The following SNX30 variants were observed in gnomAD, a reference collection of about 807,000 sequenced individuals.
The protein encoded by SNX30 is sorting nexin family member 30, also known as sorting nexin-30.
A neutral mutation model predicts 46.4 loss-of-function variants in SNX30; 24 were observed. That is an observed-to-expected ratio of 0.52 (90% CI 0.37 to 0.73). The LOEUF is 0.73. Among genes scored for constraint, SNX30 ranks in the 30% least tolerant of loss-of-function variants. SNX30 has a pLI of 0.00. For synonymous variants in SNX30, 189 were observed against 211.5 expected, an observed-to-expected ratio of 0.89 and a Z score of 0.92; for missense variants, 533 against 555.7, an observed-to-expected ratio of 0.96 and a Z score of 0.41.
At position 112,869,086 on chromosome 9, in the gene SNX30, G is replaced by A. The variant is rs1841405193; in HGVS notation, c.*243G>A. On this transcript the variant is annotated 3_prime_UTR_variant, in exon 9 of 9. Transcript: ENST00000374232. ...AGCAGCATACCTCCATGTTGTGAAG[G>A]CATCTGTTCAGTGAAGCACTACGAA... 3.8e-6 allele frequency: 2 copies of A among 529,802 alleles called. No homozygotes were observed. The highest frequency in any genetic ancestry group is 6.4e-5 in the East Asian group (2 of 31,282). 32.8% of individuals were successfully genotyped at this position (529,802 alleles called of 1,614,324 possible).
chr9:112,881,653 A>G (rs904536072), exon 6 of SNX30: 1 of 152,212 alleles, frequency 6.6e-6, no homozygotes, highest in African/African-American at 2.4e-5. Flanking sequence ...GCATGCATTC[A>G]TTAAACGAAT....
At chr9:112,767,916 T>C (rs1267882625) in intron 1 of SNX30, among the ~76,000 whole-genome samples, 1 of 152,252 alleles carries the variant, frequency 6.6e-6, no homozygotes, top group East Asian at 1.9e-4. Context: ...TGTTCTTTAA[T>C]GTTGCTCTTC....
At chr9:112,789,337 G>T (rs1024419731) in intron 1 of SNX30, among the ~76,000 whole-genome samples, 17 of 152,076 alleles carry the variant, frequency 1.1e-4, no homozygotes, top group Non-Finnish European at 2.1e-4. Context: ...GAATGTCCTG[G>T]CCAAGCTCTC....
chr9:112,778,746 T>C (rs1839791874), intron 1 of SNX30, among the ~76,000 whole-genome samples: 1 of 152,208 alleles, frequency 6.6e-6, no homozygotes, highest in Admixed American at 6.5e-5. Flanking sequence ...ACAGATACCA[T>C]GCTGGAGATA....
At chr9:112,825,114 A>G (rs1564282027) in intron 3 of SNX30, among the ~76,000 whole-genome samples, 1 of 152,238 alleles carries the variant, frequency 6.6e-6, no homozygotes, top group Non-Finnish European at 1.5e-5. Flanking sequence ...AAGAAGTGGA[A>G]TTGCTGGAGC....
chr9:112,762,015 C>T (rs1217240974), intron 1 of SNX30, among the ~76,000 whole-genome samples: 1 of 152,130 alleles, frequency 6.6e-6, no homozygotes, highest in African/African-American at 2.4e-5. Context: ...GGAGGAAGGC[C>T]GGTGTTCCAC....
At chr9:112,788,582 G>A (rs761962622) in intron 1 of SNX30, among the ~76,000 whole-genome samples, 7 of 152,264 alleles carry the variant, frequency 4.6e-5, no homozygotes, top group African/African-American at 1.4e-4. Context: ...CACACCACTC[G>A]AGGGACCTCA....
intron 1 of SNX30, among the ~76,000 whole-genome samples, chr9:112,767,119 ATT>A (rs776895151): frequency 2.8e-4 from 8 of 28,830 alleles, no homozygotes; most frequent in African/African-American, 5.9e-4. Context: ...AACACTAATT[ATT>A]TTATTTTTTT....
At chr9:112,774,285 G>GA (rs1322918353) in intron 1 of SNX30, among the ~76,000 whole-genome samples, 4 of 151,954 alleles carry the variant, frequency 2.6e-5, no homozygotes, top group Non-Finnish European at 4.4e-5. Flanking sequence ...AAGAAATCAA[G>GA]AAAAATGACA....
chr9:112,872,266 A>C lies in SNX30; in HGVS notation c.*3423A>C, dbSNP rs1229090173. The stretch of plus-strand genomic sequence containing the variant: ...ATAACAGGAAGTTCTGCTTTAGAGG[A>C]GGGCACGATGACCATGTGGCAGTCT... On this transcript the variant is annotated 3_prime_UTR_variant, in exon 9 of 9. Coordinates refer to ENST00000374232, the MANE Select transcript of SNX30 (RefSeq NM_001012994.2). 2.0e-5 allele frequency: 3 copies of C among 152,202 alleles called. No individual in the cohort carries two copies. In the East Asian group the frequency reaches 5.8e-4, roughly 29 times the overall value. 9.4% of individuals were successfully genotyped at this position (152,202 alleles called of 1,614,324 possible).
chr9:112,835,075 C>A (rs4979160), intron 4 of SNX30, among the ~76,000 whole-genome samples: 23,674 of 152,166 alleles, frequency 0.16, 2,110 homozygotes, highest in Admixed American at 0.23. Context: ...CTATCCTCTG[C>A]ATCAGGCCAC....
downstream of SNX30, among the ~76,000 whole-genome samples, chr9:112,882,953 A>G (rs1841599015): frequency 6.6e-6 from 1 of 152,220 alleles, no homozygotes; most frequent in African/African-American, 2.4e-5. Context: ...AATGGGAGAA[A>G]AGCCAGAAGA....
Position 112,868,895 on chromosome 9 carries a change from A to G in SNX30, c.*52A>G, listed in dbSNP as rs1374112621. 7 of 1,560,532 alleles carry G rather than the reference A, an allele frequency of 4.5e-6. No homozygotes were observed. The South Asian group carries it at 6.7e-5, about 15-fold the overall frequency. On this transcript the variant is annotated 3_prime_UTR_variant, in exon 9 of 9. Coordinates refer to ENST00000374232, the MANE Select transcript of SNX30 (RefSeq NM_001012994.2). ...CTACCTACACAGGGCCTGGCACCCT[A>G]TACCGGAATGTCCCTGCAGTGCCAG...
intron 1 of SNX30, among the ~76,000 whole-genome samples, chr9:112,768,606 A>AT (rs10684532): frequency 0.3 from 35,656 of 118,020 alleles, 5,569 homozygotes; most frequent in East Asian, 0.51. Flanking sequence ...AGGGAGCAGT[A>AT]TTTTTTTTTT....
chr9:112,761,961 G>A (rs903196581), intron 1 of SNX30, among the ~76,000 whole-genome samples: 5 of 152,164 alleles, frequency 3.3e-5, no homozygotes, highest in Non-Finnish European at 7.3e-5. Flanking sequence ...TAGGGGGTAG[G>A]ATGTCATCGC....
intron 1 of SNX30, among the ~76,000 whole-genome samples, chr9:112,781,197 A>G (rs757011644): frequency 2.0e-5 from 3 of 152,194 alleles, no homozygotes; most frequent in Non-Finnish European, 4.4e-5. Flanking sequence ...GGGAGAAACA[A>G]TATCTTGTTT....
chr9:112,771,485 C>T (rs868371912), intron 1 of SNX30, among the ~76,000 whole-genome samples: 16 of 152,052 alleles, frequency 1.1e-4, no homozygotes, highest in South Asian at 6.2e-4. Flanking sequence ...GTCTGTCTTG[C>T]GTGTGTGTGA....
chr9:112,778,255 A>T (rs1419135441), intron 1 of SNX30, among the ~76,000 whole-genome samples: 1 of 147,986 alleles, frequency 6.8e-6, no homozygotes, highest in Non-Finnish European at 1.5e-5. Context: ...GCACAGGATC[A>T]GTTTGGCCAT....
intron 4 of SNX30, among the ~76,000 whole-genome samples, 189 bp from the exon 5 acceptor site, chr9:112,836,025 G>A (rs1840745349): frequency 6.6e-6 from 1 of 152,200 alleles, no homozygotes; most frequent in South Asian, 2.1e-4. Flanking sequence ...CAACCTACAG[G>A]AGCCTGAGTC....
Sources: allele counts gnomAD v4.1 joint callset (sites outside exome capture counted in the v4.1 genomes callset), GRCh38; gene constraint gnomAD v4.1.1; transcripts MANE v1.5; gene names NCBI Gene and HGNC (gene_info 2026-07-23, HGNC 2026-07-21).